The following VWF variants were observed in gnomAD, a reference collection of about 807,000 sequenced individuals.
The protein encoded by VWF is Factor VIII related antigen.
A neutral mutation model predicts 308.6 loss-of-function variants in VWF; 176 were observed. The observed-to-expected ratio is 0.57, with a 90% confidence interval of 0.50 to 0.65. The LOEUF (loss-of-function observed/expected upper bound fraction) is 0.65, where lower values mean the gene tolerates loss of function less well. Ranked by LOEUF, VWF falls within the 30% of genes least tolerant of loss-of-function variation. VWF has a pLI of 0.00. For missense variants in VWF, 3,146 were observed against 3,648.2 expected (o/e 0.86, Z 3.55); for synonymous variants, 1,385 against 1,443.4 (o/e 0.96, Z 0.92).
chr12:6,046,618 G>T lies in VWF; in HGVS notation c.2281+105C>A. The T allele has an allele frequency of 8.7e-7, 1 of 1,145,572 alleles. No individual in the cohort carries two copies. The highest frequency in any genetic ancestry group is 1.3e-6 in the Non-Finnish European group (1 of 760,108). 71.0% of individuals were successfully genotyped at this position (1,145,572 alleles called of 1,614,324 possible). On this transcript the variant is annotated intron_variant, in intron 17 of 51. Coordinates refer to ENST00000261405, the MANE Select transcript of VWF (RefSeq NM_000552.5). This position sits in a 1 kb window ranked among gnomAD's most constrained non-coding sequence, Gnocchi z 5.0. ...GGCGAAGCCAGACCCATGCCTGGGT[G>T]CACACGCACATCTGACGGTGTCACC... is the stretch of plus-strand genomic sequence containing the variant.
At chr12:5,973,439 T>C (rs185191127) in intron 43 of VWF, among the ~76,000 whole-genome samples, 2 of 152,352 alleles carry the variant, frequency 1.3e-5, no homozygotes, top group Admixed American at 1.3e-4. Context: ...ACAATTGCTA[T>C]AACTGAAATG....
chr12:5,962,299 C>T (rs1943328122), intron 47 of VWF, among the ~76,000 whole-genome samples: 1 of 152,104 alleles, frequency 6.6e-6, no homozygotes, highest in Non-Finnish European at 1.5e-5. Context: ...TAATCCGGCA[C>T]ACTTTAAACA....
chr12:6,064,882 C>T (rs976480883), intron 11 of VWF, among the ~76,000 whole-genome samples: 1 of 152,176 alleles, frequency 6.6e-6, no homozygotes, highest in Admixed American at 6.5e-5. Flanking sequence ...AAGCAGGATG[C>T]GTCCACTGGG....
intron 3 of VWF, among the ~76,000 whole-genome samples, chr12:6,118,607 G>A (rs527510142): frequency 2.0e-4 from 31 of 151,790 alleles, no homozygotes; most frequent in African/African-American, 6.5e-4. Context: ...GGCTGGTCTC[G>A]ATCTCCCAAC....
chr12:6,117,135 T>A (rs12306928), intron 3 of VWF, among the ~76,000 whole-genome samples: 74,863 of 152,080 alleles, frequency 0.49, 20,212 homozygotes, highest in Non-Finnish European at 0.63. Context: ...GAAATCAATT[T>A]ACATTAAAGT....
At chr12:6,106,989 G>A (rs1945252489) in intron 5 of VWF, among the ~76,000 whole-genome samples, 1 of 150,932 alleles carries the variant, frequency 6.6e-6, no homozygotes, top group South Asian at 2.1e-4. Context: ...CACTGGCTTT[G>A]TTCATAATTT....
chr12:6,056,632 G>A (rs1944581658), intron 15 of VWF, among the ~76,000 whole-genome samples: 1 of 152,138 alleles, frequency 6.6e-6, no homozygotes, highest in African/African-American at 2.4e-5. Flanking sequence ...GAGCCAACCT[G>A]TCTTCCTGGA....
chr12:6,035,414 C>G (rs1246789319), intron 19 of VWF, among the ~76,000 whole-genome samples: 1 of 152,182 alleles, frequency 6.6e-6, no homozygotes, highest in African/African-American at 2.4e-5. Flanking sequence ...CACCCGTAAC[C>G]AGAGCTGACA....
intron 4 of VWF, 28 bp downstream of exon 4, chr12:6,110,838 C>T: frequency 1.9e-6 from 3 of 1,607,790 alleles, no homozygotes; most frequent in Middle Eastern, 1.7e-4. Flanking sequence ...CCCTAGGGTC[C>T]TTTCTAACTC....
chr12:6,122,514 T>C (rs1591931210), intron 2 of VWF, among the ~76,000 whole-genome samples: 1 of 152,342 alleles, frequency 6.6e-6, no homozygotes, highest in Non-Finnish European at 1.5e-5. Context: ...AGTAGGAAGA[T>C]GCAGAGAGTG....
chr12:5,960,091 T>C (rs1259732855), intron 47 of VWF, among the ~76,000 whole-genome samples: 1 of 148,392 alleles, frequency 6.7e-6, no homozygotes, highest in Non-Finnish European at 1.5e-5. Context: ...TAATATATAA[T>C]AGACAAATTA....
In VWF at chr12:5,953,552, A is replaced by G; in HGVS notation, c.7930T>C (p.Cys2644Arg). 1 of 1,614,176 alleles carries G rather than the reference A, an allele frequency of 6.2e-7. No homozygotes were observed. Among genetic ancestry groups the G allele is most frequent in the East Asian group, 2.2e-5 (1 of 44,872 alleles). ...TGAATGGTGCAAGCCGTAGGCAAAC[A>G]TCTCCCACAACATTCACCTGTGTTA... ...ENNTGECCGR[C>R]LPTACTIQLR... is the part of the protein sequence containing the mutation. Residue 2644 changes from cysteine to arginine, a missense_variant, in exon 48 of 52, where the codon TGT becomes CGT. By Grantham distance (180) the Cys-to-Arg change is radical (BLOSUM62 -3). Coordinates refer to ENST00000261405, the MANE Select transcript of VWF (RefSeq NM_000552.5).
In VWF at chr12:6,039,878, G is replaced by C. The variant is rs36077772; in HGVS notation, c.2443-3387C>G. Among the ~76,000 whole-genome samples the C allele has an allele frequency of 4.9e-3, 745 of 152,204 alleles. 3 individuals carry two copies. The highest frequency in any genetic ancestry group is 6.9e-3 in the Non-Finnish European group (469 of 68,002). ...TAACCACACTTCTCGCCACCAAGAG[G>C]CTCCTAATACCAGCAGTTTGGGAGA... On this transcript the variant is annotated intron_variant, in intron 18 of 51. Coordinates refer to ENST00000261405, the MANE Select transcript of VWF (RefSeq NM_000552.5).
chr12:5,995,373 A>G (rs1009753017), intron 35 of VWF, among the ~76,000 whole-genome samples: 6 of 152,248 alleles, frequency 3.9e-5, no homozygotes, highest in African/African-American at 1.4e-4. Flanking sequence ...CTCACTTGAT[A>G]TATGACTAAG....
At position 6,063,282 on chromosome 12, in the gene VWF, C is replaced by T. The variant is rs528015726; in HGVS notation, c.1433-228G>A. Among the ~76,000 whole-genome samples, 6 of 152,120 alleles carry T rather than the reference C, an allele frequency of 3.9e-5. No homozygotes were observed. Among genetic ancestry groups the T allele is most frequent in the Non-Finnish European group, 8.8e-5 (6 of 68,018 alleles). On this transcript the variant is annotated intron_variant, in intron 12 of 51. Transcript: ENST00000261405. This position sits in a 1 kb window ranked among gnomAD's most constrained non-coding sequence, Gnocchi z 4.9. The stretch of plus-strand genomic sequence containing the variant: ...CCCCCAGGAAGAAGCCTCTGCACCC[C>T]CCGCTATGACCTGCCATTCCCCCTA...
chr12:5,993,206 T>C (rs1189429590), intron 37 of VWF, among the ~76,000 whole-genome samples: 1 of 151,906 alleles, frequency 6.6e-6, no homozygotes, highest in Non-Finnish European at 1.5e-5. Flanking sequence ...TGACTGAGGG[T>C]TTCAAGTTCA....
intron 21 of VWF, among the ~76,000 whole-genome samples, chr12:6,031,016 G>A (rs1309146499): frequency 6.6e-6 from 1 of 152,168 alleles, no homozygotes; most frequent in Non-Finnish European, 1.5e-5. Flanking sequence ...AGGCAAAAGA[G>A]CGAGACTCCA....
chr12:6,111,629 C>T (rs1945308851), intron 3 of VWF, among the ~76,000 whole-genome samples: 1 of 152,156 alleles, frequency 6.6e-6, no homozygotes, highest in African/African-American at 2.4e-5. Flanking sequence ...AGGCATGAGC[C>T]ACCCCGCTCT....
At chr12:6,114,935 G>A (rs1945346826) in intron 3 of VWF, among the ~76,000 whole-genome samples, 1 of 152,220 alleles carries the variant, frequency 6.6e-6, no homozygotes, top group African/African-American at 2.4e-5. Flanking sequence ...CCTTCAGTGA[G>A]GATTGAACTG....
Sources: gnomAD v4.1 joint callset for allele counts (sites outside exome capture counted in the v4.1 genomes callset) on GRCh38, gnomAD v4.1.1 for gene constraint, Gnocchi (gnomAD v3.1) non-coding constraint, MANE v1.5 for transcripts, NCBI Gene and HGNC (gene_info 2026-07-23, HGNC 2026-07-21) for gene names.